FMN2: variants seen among roughly 807,000 people sequenced by gnomAD.
FMN2 encodes the protein formin 2, also known as formin-2.
A neutral mutation model predicts 142.3 loss-of-function variants in FMN2; 51 were observed. The observed-to-expected ratio is 0.36, with a 90% confidence interval of 0.29 to 0.45. The LOEUF (loss-of-function observed/expected upper bound fraction) is 0.45. FMN2 is among the 20% of genes least tolerant of loss of function. The pLI, the probability that FMN2 is intolerant of heterozygous loss-of-function variation, is 1.00. For missense variants in FMN2, 1,936 were observed against 2,122.8 expected (o/e 0.91, Z 1.73); for synonymous variants, 882 against 869.8 (o/e 1.01, Z -0.25).
At chr1:240,153,493 G>T (rs1355674814) in intron 2 of FMN2, among the ~76,000 whole-genome samples, 2 of 148,804 alleles carry the variant, frequency 1.3e-5, no homozygotes, top group South Asian at 2.2e-4. Context: ...TCTAGTAGCT[G>T]GTACCACAGG....
intron 2 of FMN2, among the ~76,000 whole-genome samples, chr1:240,130,896 G>A (rs1662708862): frequency 6.6e-6 from 1 of 151,904 alleles, no homozygotes; most frequent in African/African-American, 2.4e-5. Context: ...GTACTTCTCA[G>A]CTCCCTCTTT....
At chr1:240,311,500 G>A (rs544552848) in intron 8 of FMN2, among the ~76,000 whole-genome samples, 1 of 151,940 alleles carries the variant, frequency 6.6e-6, no homozygotes, top group Non-Finnish European at 1.5e-5. Flanking sequence ...CTGCAAGTAT[G>A]CTCATTTTCA....
intron 16 of FMN2, among the ~76,000 whole-genome samples, chr1:240,470,947 C>T (rs1019845228): frequency 3.3e-5 from 5 of 151,920 alleles, no homozygotes; most frequent in Non-Finnish European, 7.4e-5. Flanking sequence ...TAAAATTTTA[C>T]TCCGTCTTTG....
intron 2 of FMN2, chr1:240,170,216 C>T: frequency 7.9e-7 from 1 of 1,268,942 alleles, no homozygotes; most frequent in Non-Finnish European, 1.1e-6. Context: ...GCCTGGGAGG[C>T]TGGAAAGCCT....
intron 2 of FMN2, among the ~76,000 whole-genome samples, chr1:240,128,817 C>T (rs1048595059): frequency 3.3e-5 from 5 of 152,040 alleles, no homozygotes; most frequent in Admixed American, 6.6e-5. Flanking sequence ...TCATTGTTAC[C>T]GTAGACAAAA....
intron 8 of FMN2, among the ~76,000 whole-genome samples, chr1:240,305,161 T>C (rs1670339808): frequency 6.6e-6 from 1 of 152,214 alleles, no homozygotes; most frequent in Admixed American, 6.5e-5. Flanking sequence ...CATCTTGAGG[T>C]TGGCATCTGT....
intron 10 of FMN2, among the ~76,000 whole-genome samples, chr1:240,330,202 G>A (rs938596403): frequency 2.6e-5 from 4 of 152,174 alleles, no homozygotes. Context: ...CATTGGTATT[G>A]TTCCAGACGT....
intron 6 of FMN2, among the ~76,000 whole-genome samples, chr1:240,239,979 A>G (rs1451615352): frequency 6.6e-6 from 1 of 152,232 alleles, no homozygotes; most frequent in Non-Finnish European, 1.5e-5. Flanking sequence ...AAATTGAGCA[A>G]TACATAAGAC....
At chr1:240,463,341 G>A (rs1259158072) in intron 16 of FMN2, among the ~76,000 whole-genome samples, 1 of 152,154 alleles carries the variant, frequency 6.6e-6, no homozygotes, top group African/African-American at 2.4e-5. Context: ...GTGGGGAAGA[G>A]GGAGAGAAAA....
At chr1:240,142,093 T>A (rs1189881536) in intron 2 of FMN2, among the ~76,000 whole-genome samples, 1 of 152,178 alleles carries the variant, frequency 6.6e-6, no homozygotes, top group African/African-American at 2.4e-5. Flanking sequence ...AGATCAGAAA[T>A]ATATCAGAGT....
At chr1:240,436,885 G>C (rs545497544) in intron 15 of FMN2, among the ~76,000 whole-genome samples, 1 of 152,270 alleles carries the variant, frequency 6.6e-6, no homozygotes, top group African/African-American at 2.4e-5. Flanking sequence ...TCAAACTTGA[G>C]TTTTTGTGGA....
At chr1:240,274,413 G>T (rs912787955) in intron 7 of FMN2, among the ~76,000 whole-genome samples, 3 of 152,134 alleles carry the variant, frequency 2.0e-5, no homozygotes, top group African/African-American at 7.2e-5. Flanking sequence ...TGAAGGATCA[G>T]CACGATGTGA....
At chr1:240,339,566 T>TTA (rs979362285) in intron 13 of FMN2, among the ~76,000 whole-genome samples, 19 of 152,052 alleles carry the variant, frequency 1.2e-4, no homozygotes, top group Non-Finnish European at 1.6e-4. Context: ...CATACAAAAT[T>TTA]TACCATCTTT....
chr1:240,149,657 G>C (rs1663678856), intron 2 of FMN2, among the ~76,000 whole-genome samples: 1 of 152,124 alleles, frequency 6.6e-6, no homozygotes, highest in Non-Finnish European at 1.5e-5. Context: ...AGGGATTCTA[G>C]TGTCAAATTT....
intron 2 of FMN2, among the ~76,000 whole-genome samples, chr1:240,138,221 C>T (rs937127043): frequency 1.3e-5 from 2 of 151,702 alleles, no homozygotes; most frequent in Non-Finnish European, 2.9e-5. Context: ...AGGAGTATGA[C>T]GTGGTCAGTC....
At chr1:240,292,955 A>T (rs1400552391) in intron 7 of FMN2, among the ~76,000 whole-genome samples, 1 of 152,184 alleles carries the variant, frequency 6.6e-6, no homozygotes, top group Non-Finnish European at 1.5e-5. Flanking sequence ...GGGAAGTTAT[A>T]TGGAGAAACA....
chr1:240,257,906 A>C, intron 6 of FMN2, 39 bp from the exon 7 acceptor site: 1 of 1,566,720 alleles, frequency 6.4e-7, no homozygotes, highest in Non-Finnish European at 8.8e-7. Context: ...ATTGGAGTTC[A>C]AATTAACATT....
At chr1:240,362,557 A>C (rs1343883965) in intron 14 of FMN2, among the ~76,000 whole-genome samples, 1 of 152,160 alleles carries the variant, frequency 6.6e-6, no homozygotes, top group Non-Finnish European at 1.5e-5. Flanking sequence ...TAGTTTGGAC[A>C]AAGTATACAC....
At chr1:240,344,022 A>G (rs75392489) in intron 13 of FMN2, among the ~76,000 whole-genome samples, 1,883 of 152,304 alleles carry the variant, frequency 0.012, 20 homozygotes, top group African/African-American at 0.026. Flanking sequence ...ATAGAAACTC[A>G]ACAAACTTCT....
Sources: allele counts gnomAD v4.1 joint callset (sites outside exome capture counted in the v4.1 genomes callset), GRCh38; gene constraint gnomAD v4.1.1; transcripts MANE v1.5; gene names NCBI Gene and HGNC (gene_info 2026-07-23, HGNC 2026-07-21).